Variants in SLC26A8 observed in about 807,000 individuals in gnomAD.
The protein encoded by SLC26A8 is solute carrier family 26 member 8.
A neutral mutation model predicts 105.0 loss-of-function variants in SLC26A8; 70 were observed. The ratio of observed to expected loss-of-function variants is 0.67; its 90% CI spans 0.55 to 0.81. The LOEUF is 0.81. SLC26A8 is among the 40% of genes least tolerant of loss of function. SLC26A8 has a pLI of 0.00. For synonymous variants in SLC26A8, 415 were observed against 438.3 expected (o/e 0.95, Z 0.66); for missense variants, 998 against 1,181.8 (o/e 0.84, Z 2.28).
At chr6:35,977,152 T>C in intron 9 of SLC26A8, 52 bp downstream of exon 9, 1 of 1,567,794 alleles carries the variant, frequency 6.4e-7, no homozygotes, top group Non-Finnish European at 8.6e-7. Context: ...GGCAGGAGGC[T>C]TTGATTAAAG....
At position 36,012,344 on chromosome 6, in the gene SLC26A8, C is replaced by T. The variant is rs743923; in HGVS notation, c.217G>A (p.Val73Met). The change falls in exon 3 of 20, where the codon GTG becomes ATG. Residue 73 changes from valine (V) to methionine (M), a missense_variant. Coordinates refer to ENST00000490799, the MANE Select transcript of SLC26A8 (RefSeq NM_052961.4). Reference sequence around the variant, plus strand: ...TCTAGGAAGGGAAAGATTGTAAGCACGCATCGTAGGAACCTGTGCCATGAG... The same window carrying T: ...TCTAGGAAGGGAAAGATTGTAAGCATGCATCGTAGGAACCTGTGCCATGAG... ...RCSWHRFLRC[V>M]LTIFPFLEWM... 385,137 of 1,600,438 alleles carry T rather than the reference C, an allele frequency of 0.24. 48,900 individuals are homozygous for T. The highest frequency in any genetic ancestry group is 0.43 in the African/African-American group (31,476 of 73,924).
chr6:35,982,495 A>G (rs1773315436), intron 7 of SLC26A8, among the ~76,000 whole-genome samples: 1 of 152,170 alleles, frequency 6.6e-6, no homozygotes, highest in African/African-American at 2.4e-5. Context: ...CATCATCTTC[A>G]TTTATTTTTT....
chr6:35,976,786 C>G (rs753936303), intron 9 of SLC26A8, among the ~76,000 whole-genome samples: 2 of 151,948 alleles, frequency 1.3e-5, no homozygotes, highest in Non-Finnish European at 1.5e-5. Context: ...CCTCGTGATC[C>G]ACCTGCCTTG....
At chr6:35,977,177 G>T in intron 9 of SLC26A8, 27 bp downstream of exon 9, 1 of 1,601,916 alleles carries the variant, frequency 6.2e-7, no homozygotes, top group South Asian at 1.1e-5. Flanking sequence ...AAGAGTTAAG[G>T]ATCAGAGGAA....
chr6:35,960,946 T>G, intron 13 of SLC26A8, 34 bp from the exon 14 acceptor site: 1 of 1,613,904 alleles, frequency 6.2e-7, no homozygotes, highest in East Asian at 2.2e-5. Flanking sequence ...TAGGTCAGAG[T>G]TGGCTTACCT....
intron 3 of SLC26A8, among the ~76,000 whole-genome samples, chr6:36,001,585 CTCTCATTCAGG>C (rs976816081): frequency 2.6e-5 from 4 of 152,346 alleles, no homozygotes; most frequent in Middle Eastern, 3.4e-3. Flanking sequence ...CTTGGTTGCT[CTCTCATTCAGG>C]TCATTACCTG....
chr6:35,975,349 A>C, intron 10 of SLC26A8, 26 bp downstream of exon 10: 11 of 1,311,420 alleles, frequency 8.4e-6, no homozygotes, highest in African/African-American at 1.5e-5. Context: ...TTTATGTATT[A>C]GAGATCAAAT....
rs145161622 is a variant in SLC26A8, at chr6:35,955,190, G to A, written c.2194C>T (p.His732Tyr). ...ACTAACCCCCGTGAATCCACGTAGT[G>A]TACCATGGAGAAATCCAGGATGATG... ...HTIILDFSMV[H>Y]YVDSRGLVVL... Residue 732 changes from histidine (H) to tyrosine (Y), a missense_variant, in exon 17 of 20, where the codon CAC (histidine) becomes TAC (tyrosine). Transcript: ENST00000490799. The A allele has an allele frequency of 6.2e-7, 1 of 1,614,166 alleles. No homozygotes were observed. Among genetic ancestry groups the A allele is most frequent in the African/African-American group, 1.3e-5 (1 of 75,038 alleles).
chr6:35,947,465 A>G (rs1771715303), intron 19 of SLC26A8, among the ~76,000 whole-genome samples: 1 of 152,234 alleles, frequency 6.6e-6, no homozygotes, highest in African/African-American at 2.4e-5. Context: ...AATTCTAACA[A>G]TTGGAACATA....
chr6:36,012,327 G>A lies in SLC26A8; in HGVS notation c.234C>T (p.Pro78=). The change falls in exon 3 of 20, where the codon CCC becomes CCT. Residue 78 remains proline (P), a synonymous_variant. Coordinates refer to ENST00000490799, the MANE Select transcript of SLC26A8 (RefSeq NM_052961.4). ...GATACATACACATCCATTCTAGGAA[G>A]GGAAAGATTGTAAGCACGCATCGTA... The part of the protein sequence containing the change: ...RFLRCVLTIF[P]FLEWMCMYRL... 6.2e-7 allele frequency: 1 copy of A among 1,607,056 alleles called. No homozygotes were observed. Among genetic ancestry groups the A allele is most frequent in the South Asian group, 1.1e-5 (1 of 89,710 alleles).
chr6:35,947,195 A>T (rs1771706978), intron 19 of SLC26A8, among the ~76,000 whole-genome samples: 1 of 151,524 alleles, frequency 6.6e-6, no homozygotes, highest in South Asian at 2.1e-4. Context: ...TGCCCAGCTA[A>T]TTTTTTTGTA....
At chr6:35,974,907 T>G (rs1772938080) in intron 10 of SLC26A8, among the ~76,000 whole-genome samples, 1 of 120,588 alleles carries the variant, frequency 8.3e-6, no homozygotes, top group South Asian at 2.3e-4. Flanking sequence ...CAGCTAATTG[T>G]TTTTTTTTTT....
rs151221162 is a variant in SLC26A8 at position 36,019,348 on chromosome 6, G to A, written c.188+172C>T. ...CTTTATGCCCAGGAAGTTTACAATC[G>A]AAAAGGTACTGCAAGACAAACCACA... On this transcript the variant is annotated intron_variant, in intron 2 of 19. Coordinates refer to ENST00000490799, the MANE Select transcript of SLC26A8 (RefSeq NM_052961.4). 3.1e-3 allele frequency among the ~76,000 whole-genome samples: 475 copies of A among 152,224 alleles called. 1 individual carries two copies. Among genetic ancestry groups the A allele is most frequent in the African/African-American group, 0.011 (437 of 41,512 alleles).
chr6:35,998,706 T>C (rs1054967387), intron 4 of SLC26A8, among the ~76,000 whole-genome samples: 4 of 152,110 alleles, frequency 2.6e-5, no homozygotes, highest in Admixed American at 6.6e-5. Flanking sequence ...AGAGCAAAGA[T>C]ATATCTTAAC....
chr6:35,999,140 T>C (rs1056180215), intron 4 of SLC26A8, among the ~76,000 whole-genome samples: 2 of 152,142 alleles, frequency 1.3e-5, no homozygotes, highest in African/African-American at 4.8e-5. Flanking sequence ...ATGATCCACT[T>C]GCCTCGGCCT....
At position 36,016,013 on chromosome 6, in the gene SLC26A8, G is replaced by A. The variant is rs1024471289; in HGVS notation, c.188+3507C>T. On this transcript the variant is annotated intron_variant, in intron 2 of 19. Transcript: ENST00000490799. ...TTCTTTGTTTTTTTTTTTTCTTTTT[G>A]AGACAGAGTCTCATTCTGTCACCAG... 6.9e-5 allele frequency among the ~76,000 whole-genome samples: 10 copies of A among 145,610 alleles called. 1 individual carries two copies. The highest frequency in any genetic ancestry group is 2.5e-4 in the African/African-American group (10 of 39,422).
chr6:35,986,421 A>C (rs1365257103), intron 7 of SLC26A8, among the ~76,000 whole-genome samples: 1 of 152,168 alleles, frequency 6.6e-6, no homozygotes, highest in Middle Eastern at 3.2e-3. Context: ...TGTAGTTACT[A>C]TATTGTACAA....
At chr6:36,009,763 G>A (rs1324803632) in intron 3 of SLC26A8, among the ~76,000 whole-genome samples, 2 of 152,174 alleles carry the variant, frequency 1.3e-5, no homozygotes, top group Admixed American at 6.5e-5. Context: ...TGGTGAAAGT[G>A]TTCTCTATCT....
chr6:36,017,220 A>G (rs9470199), intron 2 of SLC26A8, among the ~76,000 whole-genome samples: 7 of 149,826 alleles, frequency 4.7e-5, no homozygotes, highest in African/African-American at 9.9e-5. Flanking sequence ...GAGAAAAGAA[A>G]AGAAAAGAAA....
Sources: allele counts gnomAD v4.1 joint callset (sites outside exome capture counted in the v4.1 genomes callset), GRCh38; gene constraint gnomAD v4.1.1; transcripts MANE v1.5; gene names NCBI Gene and HGNC (gene_info 2026-07-23, HGNC 2026-07-21).